The following INSL6 variants were observed in gnomAD, a reference collection of about 807,000 sequenced individuals.
INSL6 encodes the protein insulin-like peptide INSL6.
Under a neutral mutation model 9.4 loss-of-function variants are expected in INSL6, and 16 were observed. The observed-to-expected ratio is 1.70, with a 90% CI of 1.15 to 2.59. The LOEUF (loss-of-function observed/expected upper bound fraction) is 2.59, where lower values mean the gene tolerates loss of function less well. INSL6 is among the 30% of genes most tolerant of loss of function. INSL6 has a pLI of 0.00. For synonymous variants in INSL6, 154 were observed against 96.9 expected (o/e 1.59, Z -3.46); for missense variants, 391 against 257.3 (o/e 1.52, Z -3.56).
chr9:5,057,765 T>C, the INSL6 span, among the ~76,000 whole-genome samples: 1 of 151,948 alleles, frequency 6.6e-6, no homozygotes, highest in African/African-American at 2.4e-5. Flanking sequence ...GTATCTTTAG[T>C]AGAGACGGGG....
chr9:5,160,619 A>T (rs1426740683), downstream of INSL6, among the ~76,000 whole-genome samples: 1 of 152,210 alleles, frequency 6.6e-6, no homozygotes, highest in Non-Finnish European at 1.5e-5. Context: ...AATAAATGGA[A>T]TTGAAATGAA....
chr9:5,104,005 G>C, the INSL6 span, among the ~76,000 whole-genome samples: 2 of 152,114 alleles, frequency 1.3e-5, no homozygotes, highest in South Asian at 4.1e-4. Flanking sequence ...ACAATTAAAA[G>C]AACTACAGAA....
chr9:5,096,235 A>T, the INSL6 span, among the ~76,000 whole-genome samples: 2 of 152,150 alleles, frequency 1.3e-5, no homozygotes, highest in African/African-American at 4.8e-5. Context: ...CCTCTTACCC[A>T]TCTCTCCACT....
At chr9:5,022,257 T>C in the INSL6 span, 1 of 1,346,404 alleles carries the variant, frequency 7.4e-7, no homozygotes, top group Non-Finnish European at 1.1e-6. Context: ...GCATGGATTG[T>C]TTTAATTATG....
At chr9:5,090,511 A>G in the INSL6 span, 1 of 1,594,252 alleles carries the variant, frequency 6.3e-7, no homozygotes, top group Non-Finnish European at 8.5e-7. Context: ...CTATCTTCAA[A>G]AACATAAAGA....
At chr9:5,182,593 T>C (rs1386670766) in intron 1 of INSL6, among the ~76,000 whole-genome samples, 7 of 151,958 alleles carry the variant, frequency 4.6e-5, no homozygotes, top group Admixed American at 4.6e-4. Context: ...TGAACTAATA[T>C]ATAAAGAGAA....
downstream of INSL6, among the ~76,000 whole-genome samples, chr9:5,162,362 A>G (rs1389711219): frequency 6.6e-6 from 1 of 152,234 alleles, no homozygotes; most frequent in Non-Finnish European, 1.5e-5. Flanking sequence ...ACAATCTAAC[A>G]TACAAATTAT....
the INSL6 span, among the ~76,000 whole-genome samples, chr9:5,093,463 T>C: frequency 4.6e-4 from 70 of 152,274 alleles, no homozygotes; most frequent in Non-Finnish European, 9.0e-4. Context: ...AGCTGTCTCT[T>C]ACGTTTAATC....
chr9:5,126,691 T>C (rs1824020774), intron 3 of INSL6: 2 of 1,606,094 alleles, frequency 1.2e-6, no homozygotes, highest in Non-Finnish European at 1.7e-6. Flanking sequence ...CAGATCTATA[T>C]GATCATGACA....
At chr9:5,183,798 A>G (rs1235941000) in intron 1 of INSL6, among the ~76,000 whole-genome samples, 1 of 152,212 alleles carries the variant, frequency 6.6e-6, no homozygotes, top group Non-Finnish European at 1.5e-5. Flanking sequence ...AGAGACAGAC[A>G]GTAAACTGGA....
chr9:5,085,901 A>G, the INSL6 span: 5 of 893,774 alleles, frequency 5.6e-6, no homozygotes, highest in Non-Finnish European at 9.5e-6. Context: ...GTTCCTTTCT[A>G]ATACCCTCAT....
At chr9:5,052,438 G>A in the INSL6 span, among the ~76,000 whole-genome samples, 1 of 151,896 alleles carries the variant, frequency 6.6e-6, no homozygotes, top group Non-Finnish European at 1.5e-5. Flanking sequence ...TAAAAATAGT[G>A]TAGATATTAA....
At chr9:5,168,117 A>G (rs944273573) in intron 1 of INSL6, among the ~76,000 whole-genome samples, 1 of 152,232 alleles carries the variant, frequency 6.6e-6, no homozygotes, top group African/African-American at 2.4e-5. Context: ...CATGAAGATG[A>G]GAAATAATCA....
chr9:5,171,095 C>T (rs1412388665), intron 1 of INSL6, among the ~76,000 whole-genome samples: 3 of 152,188 alleles, frequency 2.0e-5, no homozygotes, highest in Non-Finnish European at 4.4e-5. Flanking sequence ...CAATAAAATA[C>T]TGGCAAACCA....
At chr9:5,183,028 T>A (rs9657576) in intron 1 of INSL6, among the ~76,000 whole-genome samples, 2 of 151,946 alleles carry the variant, frequency 1.3e-5, no homozygotes, top group Admixed American at 6.6e-5. Context: ...GACAACTGAC[T>A]TGATCTAACA....
At chr9:5,040,460 A>G in the INSL6 span, among the ~76,000 whole-genome samples, 3 of 152,264 alleles carry the variant, frequency 2.0e-5, no homozygotes, top group South Asian at 2.1e-4. Context: ...GTTAGGCTTT[A>G]TCAAAGTTAA....
the INSL6 span, chr9:5,021,924 C>A: frequency 8.0e-7 from 1 of 1,242,668 alleles, no homozygotes; most frequent in Non-Finnish European, 1.2e-6. Flanking sequence ...TGAGACACTG[C>A]GCCCAGCCCA....
At chr9:5,035,123 G>C in the INSL6 span, among the ~76,000 whole-genome samples, 3 of 152,160 alleles carry the variant, frequency 2.0e-5, no homozygotes, top group South Asian at 6.2e-4. Flanking sequence ...GAATAAACTA[G>C]AAAATCTAGA....
chr9:5,063,985 G>A, the INSL6 span, among the ~76,000 whole-genome samples: 1 of 152,102 alleles, frequency 6.6e-6, no homozygotes, highest in Non-Finnish European at 1.5e-5. Context: ...TTGAAACTCT[G>A]TCTCTACTAA....
Sources: allele counts gnomAD v4.1 joint callset (sites outside exome capture counted in the v4.1 genomes callset), GRCh38; gene constraint gnomAD v4.1.1; transcripts MANE v1.5; gene names NCBI Gene and HGNC (gene_info 2026-07-23, HGNC 2026-07-21).